The following REL variants were observed in gnomAD, a reference collection of about 807,000 sequenced individuals.
REL encodes proto-oncogene c-Rel.
A neutral mutation model predicts 45.9 loss-of-function variants in REL; 15 were observed. That is an observed-to-expected ratio of 0.33 (90% CI 0.22 to 0.50). REL has a LOEUF of 0.50. Ranked by LOEUF, REL falls within the 20% of genes least tolerant of loss-of-function variation. The pLI, the probability that REL is intolerant of heterozygous loss-of-function variation, is 0.98. For synonymous variants in REL, 239 were observed against 242.1 expected (o/e 0.99, Z 0.12); for missense variants, 601 against 715.2 (o/e 0.84, Z 1.82).
chr2:60,915,033 G>A (rs984353200), intron 4 of REL, among the ~76,000 whole-genome samples: 3 of 151,026 alleles, frequency 2.0e-5, no homozygotes, highest in South Asian at 2.1e-4. Context: ...GGGTTTCACC[G>A]TGTTAGCCAG....
In REL at chr2:60,927,360, G is replaced by C. The variant is rs1674290667; in HGVS notation, c.*4825G>C. ...AAATAACACTTCTCTTCCTTGACCTGCTGCTTCCCTTTTTTACCACACACA... is the reference window on the plus strand; with the variant it reads ...AAATAACACTTCTCTTCCTTGACCTCCTGCTTCCCTTTTTTACCACACACA... On this transcript the variant is annotated 3_prime_UTR_variant, in exon 10 of 10. Transcript: ENST00000394479. The C allele has an allele frequency of 8.6e-6, 2 of 231,724 alleles. No individual in the cohort carries two copies. Among genetic ancestry groups the C allele is most frequent in the South Asian group, 1.8e-4 (1 of 5,518 alleles). 14.4% of individuals were successfully genotyped at this position (231,724 alleles called of 1,614,324 possible).
At chr2:60,891,265 T>C (rs1673203150) in intron 1 of REL, among the ~76,000 whole-genome samples, 1 of 152,240 alleles carries the variant, frequency 6.6e-6, no homozygotes, top group South Asian at 2.1e-4. Context: ...CAGTTAAATA[T>C]ATTTAACTCA....
Position 60,928,500 on chromosome 2 carries a change from A to G in REL, c.*5965A>G, listed in dbSNP as rs1674318904. 1 of 149,458 alleles carries G rather than the reference A, an allele frequency of 6.7e-6. No individual in the cohort carries two copies. The highest frequency in any genetic ancestry group is 2.5e-5 in the African/African-American group (1 of 40,430). 9.3% of individuals were successfully genotyped at this position (149,458 alleles called of 1,614,324 possible). A position where few individuals can be genotyped will look rare whatever the true frequency, so the allele number is the denominator to read the frequency against. ...GATATAGATCACTGGAACAGAACAG[A>G]GCCCTCAGAAATAACGCCGCATATC... On this transcript the variant is annotated 3_prime_UTR_variant, in exon 10 of 10. Coordinates refer to ENST00000394479, the MANE Select transcript of REL (RefSeq NM_001291746.2).
intron 1 of REL, among the ~76,000 whole-genome samples, chr2:60,883,723 A>G (rs1673003818): frequency 1.3e-5 from 2 of 152,166 alleles, no homozygotes; most frequent in Non-Finnish European, 2.9e-5. Flanking sequence ...GATACAATTT[A>G]AATTTGTTCA....
At position 60,891,837 on chromosome 2, in the gene REL, T is replaced by G; in HGVS notation, c.153+12T>G. The G allele has an allele frequency of 1.3e-6, 2 of 1,596,980 alleles. No individual in the cohort carries two copies. Among genetic ancestry groups the G allele is most frequent in the Non-Finnish European group, 1.7e-6 (2 of 1,171,064 alleles). The stretch of plus-strand genomic sequence containing the variant: ...ACCCTTCTATCCAGGTAATAGACCC[T>G]TCTTCTGTGTCTATCTCACTATTAG... On this transcript the variant is annotated intron_variant, in intron 2 of 9. Transcript: ENST00000394479.
At chr2:60,890,907 C>A (rs1398807493) in intron 1 of REL, among the ~76,000 whole-genome samples, 1 of 152,226 alleles carries the variant, frequency 6.6e-6, no homozygotes, top group Non-Finnish European at 1.5e-5. Flanking sequence ...ATGTGCTCTT[C>A]TGGTCTAACT....
chr2:60,912,893 T>C (rs576124311), intron 4 of REL, among the ~76,000 whole-genome samples: 7 of 152,200 alleles, frequency 4.6e-5, no homozygotes, highest in Non-Finnish European at 8.8e-5. Flanking sequence ...AAAATAGTTA[T>C]TTAATTAAGT....
At chr2:60,886,771 T>C (rs1201849398) in intron 1 of REL, among the ~76,000 whole-genome samples, 1 of 152,164 alleles carries the variant, frequency 6.6e-6, no homozygotes, top group Non-Finnish European at 1.5e-5. Flanking sequence ...TAAAAGCTCA[T>C]GCTTTATTAG....
At chr2:60,899,331 A>G (rs1302917141) in intron 3 of REL, 1 of 152,096 alleles carries the variant, frequency 6.6e-6, no homozygotes, top group African/African-American at 2.4e-5. Context: ...ACAAAAATAC[A>G]AAAATTAGCC....
chr2:60,901,016 T>C lies in REL; in HGVS notation c.327T>C (p.Cys109=). The change falls in exon 4 of 10, where the codon TGT becomes TGC. Residue 109 remains cysteine (C), a synonymous_variant. Transcript: ENST00000394479. The part of the protein sequence containing the change: ...PLFFQNLGIR[C]VKKKEVKEAI... Reference sequence around the variant, plus strand: ...GTTTCCAAAATTTGGGTATTCGATGTGTGAAGAAAAAAGAAGTAAAAGAAG... The same window carrying C: ...GTTTCCAAAATTTGGGTATTCGATGCGTGAAGAAAAAAGAAGTAAAAGAAG... 2.5e-6 allele frequency: 4 copies of C among 1,610,778 alleles called. No homozygotes were observed. The highest frequency in any genetic ancestry group is 3.4e-6 in the Non-Finnish European group (4 of 1,179,070).
At chr2:60,888,061 G>C (rs2103919774) in intron 1 of REL, among the ~76,000 whole-genome samples, 1 of 151,874 alleles carries the variant, frequency 6.6e-6, no homozygotes, top group South Asian at 2.1e-4. Flanking sequence ...CCAAGTAGCT[G>C]GGATTACAGG....
chr2:60,917,848 T>G (rs907837442), intron 5 of REL, among the ~76,000 whole-genome samples: 1 of 152,012 alleles, frequency 6.6e-6, no homozygotes, highest in Non-Finnish European at 1.5e-5. Flanking sequence ...CATAGGGAGA[T>G]GTATTGCCAT....
At chr2:60,885,449 C>A (rs558199216) in intron 1 of REL, among the ~76,000 whole-genome samples, 178 of 152,064 alleles carry the variant, frequency 1.2e-3, no homozygotes, top group African/African-American at 4.1e-3. Flanking sequence ...TACCTTTTTT[C>A]CCCCTTGGTA....
chr2:60,918,689 A>T, intron 7 of REL, 83 bp downstream of exon 7: 1 of 933,520 alleles, frequency 1.1e-6, no homozygotes, highest in South Asian at 1.4e-5. Context: ...TCATTTGAGT[A>T]CAGTTATGTA....
chr2:60,910,037 A>C (rs1558809014), intron 4 of REL, among the ~76,000 whole-genome samples: 1 of 152,216 alleles, frequency 6.6e-6, no homozygotes, highest in Non-Finnish European at 1.5e-5. Context: ...TGATTTTTAA[A>C]ATTTAATTCC....
intron 1 of REL, among the ~76,000 whole-genome samples, chr2:60,883,449 G>A (rs1413582694): frequency 6.6e-6 from 1 of 152,142 alleles, no homozygotes; most frequent in Non-Finnish European, 1.5e-5. Context: ...TCAGATAATC[G>A]TGTAAATTTA....
Position 60,924,321 on chromosome 2 carries a change from A to T in REL, c.*1786A>T, listed in dbSNP as rs916114271. ...CTAAGGACAGAAATTTTTGTGCTTTATTGTTGAATCTCCAATTTGTAGAAA... is the reference window on the plus strand; with the variant it reads ...CTAAGGACAGAAATTTTTGTGCTTTTTTGTTGAATCTCCAATTTGTAGAAA... On this transcript the variant is annotated 3_prime_UTR_variant, in exon 10 of 10. Coordinates refer to ENST00000394479, the MANE Select transcript of REL (RefSeq NM_001291746.2). 1 of 220,380 alleles carries T rather than the reference A, an allele frequency of 4.5e-6. No homozygotes were observed. The highest frequency in any genetic ancestry group is 9.1e-6 in the Non-Finnish European group (1 of 110,062). 13.7% of individuals were successfully genotyped at this position (220,380 alleles called of 1,614,324 possible). A position where few individuals can be genotyped will look rare whatever the true frequency, so the allele number is the denominator to read the frequency against.
chr2:60,883,239 A>G (rs1672992172), intron 1 of REL, among the ~76,000 whole-genome samples: 1 of 152,216 alleles, frequency 6.6e-6, no homozygotes, highest in Non-Finnish European at 1.5e-5. Flanking sequence ...GATGTCTAGT[A>G]GAGATGAGGA....
intron 7 of REL, among the ~76,000 whole-genome samples, chr2:60,919,347 A>C (rs1674067664): frequency 6.6e-6 from 1 of 151,642 alleles, no homozygotes; most frequent in African/African-American, 2.4e-5. Context: ...TGATCATCCC[A>C]CCTCAGCCTC....
Sources: gnomAD v4.1 joint callset for allele counts (sites outside exome capture counted in the v4.1 genomes callset) on GRCh38, gnomAD v4.1.1 for gene constraint, MANE v1.5 for transcripts, NCBI Gene and HGNC (gene_info 2026-07-23, HGNC 2026-07-21) for gene names.